The following RAPGEF4 variants were observed in gnomAD, a reference collection of about 807,000 sequenced individuals.
RAPGEF4 encodes the protein RAP guanine-nucleotide-exchange factor (GEF) 4.
RAPGEF4 carries 66 observed loss-of-function variants against 147.9 expected under a neutral mutation model. That is an observed-to-expected ratio of 0.45 (90% CI 0.37 to 0.55). The LOEUF (loss-of-function observed/expected upper bound fraction) is 0.55. Ranked by LOEUF, RAPGEF4 falls within the 20% of genes least tolerant of loss-of-function variation. The pLI is 0.00. For synonymous variants in RAPGEF4, 419 were observed against 442.7 expected (o/e 0.95, Z 0.67); for missense variants, 1,071 against 1,257.3 (o/e 0.85, Z 2.24).
At chr2:172,787,831 G>A (rs1039053117) in intron 1 of RAPGEF4, among the ~76,000 whole-genome samples, 9 of 151,944 alleles carry the variant, frequency 5.9e-5, no homozygotes, top group Non-Finnish European at 1.0e-4. Flanking sequence ...TATTGCCCAG[G>A]GTGGTCTTGA....
At chr2:172,787,422 G>T (rs924634390) in intron 1 of RAPGEF4, among the ~76,000 whole-genome samples, 1 of 151,976 alleles carries the variant, frequency 6.6e-6, no homozygotes, top group African/African-American at 2.4e-5. Flanking sequence ...CTGTCAGAAA[G>T]TTTTTGATGA....
At position 172,817,175 on chromosome 2, in the gene RAPGEF4, G is replaced by A. The variant is rs77544774; in HGVS notation, c.444+2750G>A. On this transcript the variant is annotated intron_variant, in intron 4 of 30. Transcript: ENST00000397081. Reference sequence around the variant, plus strand: ...TGTATGTGGATATAGTCAGATGTTCGTATGTTTATACATATATACAAATAT... The same window carrying A: ...TGTATGTGGATATAGTCAGATGTTCATATGTTTATACATATATACAAATAT... Among the ~76,000 whole-genome samples the A allele has an allele frequency of 4.0e-3, 608 of 152,252 alleles. 2 individuals are homozygous for A. Among genetic ancestry groups the A allele is most frequent in the African/African-American group, 0.014 (567 of 41,562 alleles).
chr2:172,933,934 T>A (rs945427533), intron 6 of RAPGEF4, among the ~76,000 whole-genome samples: 1 of 152,160 alleles, frequency 6.6e-6, no homozygotes, highest in African/African-American at 2.4e-5. Flanking sequence ...ATAGGTGACT[T>A]TAAATGGCTA....
chr2:172,832,080 C>T (rs1690412121), intron 4 of RAPGEF4, among the ~76,000 whole-genome samples: 1 of 152,208 alleles, frequency 6.6e-6, no homozygotes, highest in African/African-American at 2.4e-5. Context: ...TGTTTACCCA[C>T]AGAAGGAAAG....
chr2:173,038,939 A>G (rs987857241), intron 29 of RAPGEF4, among the ~76,000 whole-genome samples: 4 of 152,198 alleles, frequency 2.6e-5, no homozygotes, highest in African/African-American at 7.2e-5. Context: ...TTCAGTGGAT[A>G]CTAGGAGAGT....
intron 8 of RAPGEF4, among the ~76,000 whole-genome samples, 173 bp downstream of exon 8, chr2:172,961,401 T>A (rs1689279961): frequency 6.6e-6 from 1 of 152,260 alleles, no homozygotes; most frequent in Non-Finnish European, 1.5e-5. Flanking sequence ...TGTTTAATTA[T>A]CCTTAATATT....
intron 4 of RAPGEF4, among the ~76,000 whole-genome samples, chr2:172,838,114 G>A (rs750835989): frequency 7.3e-5 from 11 of 151,398 alleles, no homozygotes; most frequent in Non-Finnish European, 1.0e-4. Flanking sequence ...GTACCAGAAG[G>A]CTAAGGCTAC....
chr2:172,794,243 G>T (rs1686121846), intron 1 of RAPGEF4, among the ~76,000 whole-genome samples: 2 of 150,384 alleles, frequency 1.3e-5, no homozygotes, highest in Non-Finnish European at 3.0e-5. Context: ...GTTGGATGTA[G>T]TAGCGGGCGG....
intron 3 of RAPGEF4, among the ~76,000 whole-genome samples, chr2:172,808,295 G>A (rs536315437): frequency 6.6e-6 from 1 of 152,288 alleles, no homozygotes; most frequent in East Asian, 1.9e-4. Flanking sequence ...TAAATTAAGA[G>A]GTGATTAGTT....
At chr2:173,005,764 G>A (rs2105833521) in intron 17 of RAPGEF4, among the ~76,000 whole-genome samples, 1 of 152,144 alleles carries the variant, frequency 6.6e-6, no homozygotes, top group South Asian at 2.1e-4. Context: ...CTCGTGATCT[G>A]CCTGCCTTGG....
chr2:173,025,430 T>C (rs1029116200), intron 23 of RAPGEF4, among the ~76,000 whole-genome samples: 2 of 152,190 alleles, frequency 1.3e-5, no homozygotes, highest in African/African-American at 4.8e-5. Context: ...CATCATTTTG[T>C]TTTTATTTTT....
At chr2:172,860,035 TTTA>T in intron 4 of RAPGEF4, 1 of 985,390 alleles carries the variant, frequency 1.0e-6, no homozygotes, top group Non-Finnish European at 1.2e-6. Context: ...TCACTGGCTC[TTTA>T]ATTTAGATTA....
At chr2:172,875,198 G>C (rs1449757548) in intron 4 of RAPGEF4, among the ~76,000 whole-genome samples, 1 of 152,098 alleles carries the variant, frequency 6.6e-6, no homozygotes, top group African/African-American at 2.4e-5. Flanking sequence ...TCTGTATGTT[G>C]CCTGTTGACC....
chr2:172,942,860 C>G (rs1286192051), intron 6 of RAPGEF4, among the ~76,000 whole-genome samples: 3 of 152,136 alleles, frequency 2.0e-5, no homozygotes, highest in Non-Finnish European at 4.4e-5. Flanking sequence ...CATGCTGCTT[C>G]TTGTTCTCCA....
chr2:172,845,620 A>G (rs1467517951), intron 4 of RAPGEF4, among the ~76,000 whole-genome samples: 3 of 152,196 alleles, frequency 2.0e-5, no homozygotes, highest in Admixed American at 2.0e-4. Context: ...TGGAAAGGAA[A>G]TGTGAAAATG....
chr2:172,825,631 A>G (rs996173808), intron 4 of RAPGEF4, among the ~76,000 whole-genome samples: 6 of 152,242 alleles, frequency 3.9e-5, no homozygotes, highest in Non-Finnish European at 7.3e-5. Context: ...GCTTTATATG[A>G]TTGAGACATT....
chr2:172,956,313 C>A (rs1194116840), intron 6 of RAPGEF4, among the ~76,000 whole-genome samples: 1 of 152,184 alleles, frequency 6.6e-6, no homozygotes, highest in Non-Finnish European at 1.5e-5. Flanking sequence ...CCTGGTGCAA[C>A]ACTTCCCGCA....
chr2:172,999,366 T>C lies in RAPGEF4; in HGVS notation c.1580-1900T>C, dbSNP rs188798768. On this transcript the variant is annotated intron_variant, in intron 16 of 30. Coordinates refer to ENST00000397081, the MANE Select transcript of RAPGEF4 (RefSeq NM_007023.4). ...TCCTGGACACTAAATAATCCTAGGG[T>C]AGGTCCACGAAATTTGTGGATATAC... 3.3e-5 allele frequency among the ~76,000 whole-genome samples: 5 copies of C among 152,256 alleles called. No individual in the cohort carries two copies. The East Asian group carries it at 9.7e-4, about 29-fold the overall frequency.
chr2:172,995,610 C>T (rs981752625), intron 15 of RAPGEF4, among the ~76,000 whole-genome samples: 3 of 152,044 alleles, frequency 2.0e-5, no homozygotes, highest in African/African-American at 7.2e-5. Flanking sequence ...AAGTGAAATT[C>T]CAAGCAGAAA....
Sources: gnomAD v4.1 joint callset for allele counts (sites outside exome capture counted in the v4.1 genomes callset) on GRCh38, gnomAD v4.1.1 for gene constraint, MANE v1.5 for transcripts, NCBI Gene and HGNC (gene_info 2026-07-23, HGNC 2026-07-21) for gene names.